KDR: variants seen among roughly 807,000 people sequenced by gnomAD.
KDR encodes kinase insert domain receptor.
A neutral mutation model predicts 160.9 loss-of-function variants in KDR; 43 were observed. The observed-to-expected ratio is 0.27, with a 90% CI of 0.21 to 0.34. KDR has a LOEUF of 0.34. KDR is among the 10% of genes least tolerant of loss of function. The pLI is 1.00. For synonymous variants in KDR, 617 were observed against 600.1 expected (o/e 1.03, Z -0.41); for missense variants, 1,469 against 1,666.4 (o/e 0.88, Z 2.06).
intron 2 of KDR, among the ~76,000 whole-genome samples, chr4:55,119,777 C>T (rs1720820466): frequency 2.0e-5 from 3 of 152,096 alleles, no homozygotes; most frequent in African/African-American, 7.2e-5. Flanking sequence ...TTGTAAGGAC[C>T]TCGCATTAAA....
chr4:55,079,865 G>T lies in KDR; in HGVS notation c.*76C>A. On this transcript the variant is annotated 3_prime_UTR_variant, in exon 30 of 30. Transcript: ENST00000263923. ...TCAAATGCGGCTACTTCCTGCTGGT[G>T]GAAAGAACAACACTTGAAAATCTGA... is the stretch of plus-strand genomic sequence containing the variant. 2.3e-6 allele frequency: 3 copies of T among 1,315,742 alleles called. No homozygotes were observed. The highest frequency in any genetic ancestry group is 3.3e-6 in the Non-Finnish European group (3 of 909,110). The allele number at this position is 1,315,742 out of a possible 1,614,324, so 81.5% of individuals were successfully genotyped here.
intron 26 of KDR, among the ~76,000 whole-genome samples, chr4:55,088,014 A>AAGC (rs1313346697): frequency 6.6e-6 from 1 of 152,198 alleles, no homozygotes; most frequent in Non-Finnish European, 1.5e-5. Flanking sequence ...AATGAAGAGA[A>AAGC]AGCAGGCTGT....
chr4:55,112,156 C>G (rs1004540830), intron 7 of KDR, among the ~76,000 whole-genome samples: 1 of 151,978 alleles, frequency 6.6e-6, no homozygotes, highest in African/African-American at 2.4e-5. Context: ...TACAGTTGAC[C>G]CTTAAATAAC....
intron 7 of KDR, 24 bp from the exon 8 acceptor site, chr4:55,110,792 A>AAAGGTCAACTT: frequency 6.4e-7 from 1 of 1,562,924 alleles, no homozygotes; most frequent in Non-Finnish European, 8.8e-7. Context: ...AAAAAAAAAA[A>AAAGGTCAACTT]AGGTCAACTT....
chr4:55,087,786 G>A (rs1253181047), intron 26 of KDR, 28 bp from the exon 27 acceptor site: 1 of 1,612,530 alleles, frequency 6.2e-7, no homozygotes, highest in African/African-American at 1.3e-5. Flanking sequence ...GAAGACTGTT[G>A]TTATGGCTTC....
rs73816205 is a variant in KDR at position 55,096,495 on chromosome 4, G to C, written c.2615-153C>G. ...AGACCACATGCATTTCCTCAAAAGT[G>C]AAGTGTAAATTCTATTTTCTAATTT... On this transcript the variant is annotated intron_variant, in intron 18 of 29. Coordinates refer to ENST00000263923, the MANE Select transcript of KDR (RefSeq NM_002253.4). 2,621 of 619,360 alleles carry C rather than the reference G, an allele frequency of 4.2e-3. 42 individuals are homozygous for C. Among genetic ancestry groups the C allele is most frequent in the African/African-American group, 0.042 (2,286 of 54,594 alleles). 38.4% of individuals were successfully genotyped at this position (619,360 alleles called of 1,614,324 possible).
chr4:55,090,421 A>T (rs1414925676), intron 22 of KDR, among the ~76,000 whole-genome samples: 2 of 152,216 alleles, frequency 1.3e-5, no homozygotes, highest in Non-Finnish European at 2.9e-5. Flanking sequence ...AAAACGTGTT[A>T]TTCTAAGGAG....
intron 1 of KDR, among the ~76,000 whole-genome samples, chr4:55,122,427 T>C (rs867349800): frequency 6.6e-6 from 1 of 152,150 alleles, no homozygotes; most frequent in Non-Finnish European, 1.5e-5. Flanking sequence ...AGGCCTAAAC[T>C]GGCATTGACC....
intron 14 of KDR, 49 bp downstream of exon 14, chr4:55,102,313 T>A: frequency 6.3e-7 from 1 of 1,585,158 alleles, no homozygotes; most frequent in Non-Finnish European, 8.7e-7. Flanking sequence ...TTAGATAACA[T>A]CCCTGGGAAA....
Position 55,120,639 on chromosome 4 carries a change from T to C in KDR, c.161+458A>G, listed in dbSNP as rs141663585. ...CTGCCTAAGTAATTATAGTAATAAA[T>C]TTCTTATAAAGCAAAGTTTTTGGAA... On this transcript the variant is annotated intron_variant, in intron 2 of 29. Transcript: ENST00000263923. Among the ~76,000 whole-genome samples, 1,359 of 152,324 alleles carry C rather than the reference T, an allele frequency of 8.9e-3. 18 individuals are homozygous for C. The highest frequency in any genetic ancestry group is 0.031 in the African/African-American group (1,280 of 41,562).
chr4:55,089,016 C>T (rs763151478), intron 25 of KDR, 43 bp from the exon 26 acceptor site: 3 of 1,388,530 alleles, frequency 2.2e-6, no homozygotes, highest in Non-Finnish European at 3.1e-6. Context: ...CCTCTTTCTT[C>T]CTGAATGCTG....
chr4:55,112,953 A>G (rs1475040389), intron 7 of KDR, among the ~76,000 whole-genome samples: 1 of 152,194 alleles, frequency 6.6e-6, no homozygotes, highest in Non-Finnish European at 1.5e-5. Context: ...TGCAAAGCTC[A>G]TGCTTATTCA....
chr4:55,114,984 T>C lies in KDR; in HGVS notation c.548A>G (p.Lys183Arg). The C allele has an allele frequency of 6.2e-6, 10 of 1,613,834 alleles. No individual in the cohort carries two copies. Among genetic ancestry groups the C allele is most frequent in the Non-Finnish European group, 8.5e-6 (10 of 1,179,778 alleles). The change falls in exon 5 of 30, where the codon AAG becomes AGG. Residue 183 changes from lysine (K) to arginine (R), a missense_variant. Lys to Arg is a conservative substitution (Grantham distance 26). This residue lies in a region of KDR where 792 missense variants were observed against 840.9 expected (regional missense o/e 0.94). Transcript: ENST00000263923. Reference protein sequence around the residue: ...DGNRISWDSKKGFTIPSYMIS... With the variant: ...DGNRISWDSKRGFTIPSYMIS... ...CATGTAGCTGGGAATAGTAAAGCCC[T>C]TCTTGCTGTCCCAGGAAATTCTGTT...
rs764284784 is a variant in KDR, at chr4:55,104,755, C to G, written c.1875G>C (p.Leu625Phe). ...TMFSNSTNDI[L>F]IMELKNASLQ... ...AGGATGCATTCTTAAGCTCCATGAT[C>G]AAAATGTCATTTGTGCTATTAGAGA... is the stretch of plus-strand genomic sequence containing the variant. Residue 625 changes from leucine to phenylalanine, a missense_variant, in exon 13 of 30, where the codon TTG becomes TTC. This residue lies in a region of KDR where 792 missense variants were observed against 840.9 expected (regional missense o/e 0.94). Transcript: ENST00000263923. The G allele has an allele frequency of 3.7e-6, 6 of 1,613,762 alleles. No individual in the cohort carries two copies. The highest frequency in any genetic ancestry group is 5.1e-6 in the Non-Finnish European group (6 of 1,179,886).
At chr4:55,124,740 C>G (rs1720986077) in intron 1 of KDR, among the ~76,000 whole-genome samples, 1 of 152,084 alleles carries the variant, frequency 6.6e-6, no homozygotes, top group African/African-American at 2.4e-5. Flanking sequence ...AAGACAACAA[C>G]GGGCCGGGTC....
In KDR at chr4:55,082,061, A is replaced by G; in HGVS notation, c.3763-20T>C. ...GTTGTCCTTTTTAAGAGACAATGAG[A>G]TGGCACAGTTAATTGAGCATATAAA... On this transcript the variant is annotated intron_variant, in intron 28 of 29. Transcript: ENST00000263923. 3 of 1,505,324 alleles carry G rather than the reference A, an allele frequency of 2.0e-6. No homozygotes were observed. Among genetic ancestry groups the G allele is most frequent in the Non-Finnish European group, 2.8e-6 (3 of 1,080,834 alleles). 93.2% of individuals were successfully genotyped at this position (1,505,324 alleles called of 1,614,324 possible). A position where few individuals can be genotyped will look rare whatever the true frequency, so the allele number is the denominator to read the frequency against.
chr4:55,084,987 A>T (rs1719826313), intron 27 of KDR, among the ~76,000 whole-genome samples: 1 of 152,202 alleles, frequency 6.6e-6, no homozygotes, highest in Non-Finnish European at 1.5e-5. Context: ...GCATCAATCT[A>T]CAAGGGCCAT....
At chr4:55,106,632 A>G in intron 11 of KDR, 55 bp downstream of exon 11, 1 of 1,279,364 alleles carries the variant, frequency 7.8e-7, no homozygotes, top group Non-Finnish European at 1.1e-6. Context: ...ATATTATTGT[A>G]CCATCCTTCC....
chr4:55,124,468 A>G (rs1230690031), intron 1 of KDR, among the ~76,000 whole-genome samples: 1 of 152,136 alleles, frequency 6.6e-6, no homozygotes, highest in Non-Finnish European at 1.5e-5. Flanking sequence ...CCCACAGGAA[A>G]GGTTTTCGGA....
Sources: allele counts gnomAD v4.1 joint callset (sites outside exome capture counted in the v4.1 genomes callset), GRCh38; gene constraint gnomAD v4.1.1; regional missense constraint gnomAD v4.1.1; transcripts MANE v1.5; gene names NCBI Gene and HGNC (gene_info 2026-07-23, HGNC 2026-07-21).